ZNF268: variants seen among roughly 807,000 people sequenced by gnomAD.
The protein encoded by ZNF268 is zinc finger protein 3.
In ZNF268, 20 loss-of-function variants were observed where a neutral mutation model predicts 29.3. The ratio of observed to expected loss-of-function variants is 0.68; its 90% CI spans 0.48 to 0.99. The LOEUF is 0.99. Among genes scored for constraint, ZNF268 ranks in the 50% least tolerant of loss-of-function variants. The pLI is 0.00. For synonymous variants in ZNF268, 429 were observed against 376.9 expected, an observed-to-expected ratio of 1.14 and a Z score of -1.60; for missense variants, 1,240 against 1,121.6, an observed-to-expected ratio of 1.11 and a Z score of -1.51.
At chr12:133,201,792 T>TA in intron 5 of ZNF268, among the ~76,000 whole-genome samples, 1 of 152,258 alleles carries the variant, frequency 6.6e-6, no homozygotes, top group East Asian at 1.9e-4. Context: ...CATAGATCCC[T>TA]AATGACATGT....
rs758334515 is a variant in ZNF268, at chr12:133,203,256, G to A, written c.1570G>A (p.Gly524Arg). 40 of 1,538,248 alleles carry A rather than the reference G, an allele frequency of 2.6e-5. 1 individual carries two copies. The South Asian group carries it at 4.8e-4, about 18-fold the overall frequency. ...YLIIHTRTHTGEKLHECNNCG... is the reference protein window; with the variant it reads ...YLIIHTRTHTREKLHECNNCG... ...TATTATACATACAAGGACTCATACAGGAGAAAAACTCCATGAATGCAACAA... is the reference window on the plus strand; with the variant it reads ...TATTATACATACAAGGACTCATACAAGAGAAAAACTCCATGAATGCAACAA... The change falls in exon 6 of 6, where the codon GGA (glycine) becomes AGA (arginine). Residue 524 changes from glycine (G) to arginine (R), a missense_variant. Physicochemically the swap from Gly to Arg is moderately radical, Grantham distance 125 (BLOSUM62 -2). Transcript: ENST00000536435.
At chr12:133,188,968 C>T (rs953290236) in intron 3 of ZNF268, among the ~76,000 whole-genome samples, 12 of 151,890 alleles carry the variant, frequency 7.9e-5, no homozygotes, top group African/African-American at 2.9e-4. Context: ...TTTTCTTATC[C>T]TAAGCTCATA....
At chr12:133,198,386 T>A (rs1448460331) in intron 5 of ZNF268, among the ~76,000 whole-genome samples, 1 of 150,866 alleles carries the variant, frequency 6.6e-6, no homozygotes, top group Non-Finnish European at 1.5e-5. Flanking sequence ...TCTGTTCCAT[T>A]GATCTATATC....
At position 133,203,155 on chromosome 12, in the gene ZNF268, A is replaced by C; in HGVS notation, c.1469A>C (p.His490Pro). Residue 490 changes from histidine (H) to proline (P), a missense_variant, in exon 6 of 6, where the codon CAT (histidine) becomes CCT (proline). Around this residue, in one of 3 missense-constraint regions of ZNF268, gnomAD observed 1,177 missense variants for 1,039.6 expected, o/e 1.13. Coordinates refer to ENST00000536435, the MANE Select transcript of ZNF268 (RefSeq NM_003415.3). ...GFSLKSQLIV[H>P]QRSHTGMKPY... The stretch of plus-strand genomic sequence containing the variant: ...AGTTTGAAATCACAGCTCATTGTAC[A>C]TCAGAGAAGTCACACAGGAATGAAA... The C allele has an allele frequency of 2.0e-6, 3 of 1,537,742 alleles. No individual in the cohort carries two copies. The highest frequency in any genetic ancestry group is 1.7e-6 in the Non-Finnish European group (2 of 1,146,830).
rs1277174439 is a variant in ZNF268, at chr12:133,203,911, A to C, written c.2225A>C (p.His742Pro). The C allele has an allele frequency of 6.3e-7, 1 of 1,586,238 alleles. No homozygotes were observed. Among genetic ancestry groups the C allele is most frequent in the Non-Finnish European group, 8.6e-7 (1 of 1,168,718 alleles). ...AGTTTCAATTCACAACTCATTGTGC[A>C]TCAGAGAATTCACACAGGAGAAAAT... Reference protein sequence around the residue: ...SFSFNSQLIVHQRIHTGENPY... With the variant: ...SFSFNSQLIVPQRIHTGENPY... The change falls in exon 6 of 6, where the codon CAT becomes CCT. Residue 742 changes from histidine to proline, a missense_variant. Coordinates refer to ENST00000536435, the MANE Select transcript of ZNF268 (RefSeq NM_003415.3).
intron 5 of ZNF268, among the ~76,000 whole-genome samples, chr12:133,197,209 C>T (rs1252073318): frequency 8.1e-6 from 1 of 123,012 alleles, no homozygotes; most frequent in Non-Finnish European, 1.6e-5. Context: ...CACAACAATC[C>T]CCAAAGTGTG....
rs150926162 is a variant in ZNF268 at position 133,187,874 on chromosome 12, C to T, written c.36C>T (p.Val12=). 5 of 1,589,650 alleles carry T rather than the reference C, an allele frequency of 3.1e-6. No homozygotes were observed. The South Asian group carries it at 5.7e-5, about 18-fold the overall frequency. Residue 12 remains valine (V), a splice_region_variant and synonymous_variant, in exon 3 of 6, where the codon GTC becomes GTT. Coordinates refer to ENST00000536435, the MANE Select transcript of ZNF268 (RefSeq NM_003415.3). ...ATRVRTASIW[V]PPLQERNSSW... ...TAAATTTGCTCTTGAGTCCACAGGT[C>T]CCACCTCTCCAAGAACGAAACAGTT...
At chr12:133,182,087 G>C (rs1165223142) in intron 2 of ZNF268, 57 bp downstream of exon 2, 35 of 1,522,346 alleles carry the variant, frequency 2.3e-5, no homozygotes, top group Non-Finnish European at 2.9e-5. Flanking sequence ...CAACGTGTGC[G>C]CACTCCATCT....
intron 5 of ZNF268, among the ~76,000 whole-genome samples, chr12:133,201,148 A>G (rs1956744701): frequency 6.6e-6 from 1 of 152,016 alleles, no homozygotes; most frequent in Non-Finnish European, 1.5e-5. Flanking sequence ...TTTTGTTACC[A>G]TTAATGTTTT....
chr12:133,202,224 G>A lies in ZNF268; in HGVS notation c.538G>A (p.Glu180Lys). The A allele has an allele frequency of 6.2e-7, 1 of 1,610,746 alleles. No individual in the cohort carries two copies. Among genetic ancestry groups the A allele is most frequent in the South Asian group, 1.1e-5 (1 of 90,366 alleles). The change falls in exon 6 of 6, where the codon GAA becomes AAA. Residue 180 changes from glutamate (E) to lysine (K), a missense_variant. Glu to Lys is a moderately conservative substitution (Grantham distance 56, BLOSUM62 1). Transcript: ENST00000536435. ...DKLGSTAKSF[E>K]CTTFGKLCLL... ...GCTGGGAAGTACGGCAAAAAGCTTT[G>A]AATGCACTACATTTGGAAAACTATG...
At chr12:133,197,177 TCCCTCCC>T (rs1424353367) in intron 5 of ZNF268, among the ~76,000 whole-genome samples, 2 of 113,622 alleles carry the variant, frequency 1.8e-5, no homozygotes, top group Non-Finnish European at 1.8e-5. Flanking sequence ...CCCAATGCTA[TCCCTCCC>T]CCCTCCCCCC....
intron 3 of ZNF268, among the ~76,000 whole-genome samples, chr12:133,189,153 T>G (rs1203880593): frequency 6.6e-6 from 1 of 152,086 alleles, no homozygotes; most frequent in East Asian, 1.9e-4. Context: ...TATTTTAGAT[T>G]TATATGTAAG....
In ZNF268 at chr12:133,202,878, G is replaced by C; in HGVS notation, c.1192G>C (p.Gly398Arg). 6.4e-7 allele frequency: 1 copy of C among 1,560,290 alleles called. No homozygotes were observed. The highest frequency in any genetic ancestry group is 8.6e-7 in the Non-Finnish European group (1 of 1,156,506). Reference protein sequence around the residue: ...YVCNECGKAFGLKSQLIIHER... With the variant: ...YVCNECGKAFRLKSQLIIHER... ...GTGTAATGAATGTGGGAAAGCTTTTGGTTTAAAATCACAGCTCATTATACA... is the reference window on the plus strand; with the variant it reads ...GTGTAATGAATGTGGGAAAGCTTTTCGTTTAAAATCACAGCTCATTATACA... Residue 398 changes from glycine (G) to arginine (R), a missense_variant, in exon 6 of 6, where the codon GGT becomes CGT. By Grantham distance (125) the Gly-to-Arg change is moderately radical. Coordinates refer to ENST00000536435, the MANE Select transcript of ZNF268 (RefSeq NM_003415.3).
chr12:133,202,960 T>G lies in ZNF268; in HGVS notation c.1274T>G (p.Phe425Cys). The change falls in exon 6 of 6, where the codon TTT (phenylalanine) becomes TGT (cysteine). Residue 425 changes from phenylalanine to cysteine, a missense_variant. By Grantham distance (205) the Phe-to-Cys change is radical. Around this residue, in one of 3 missense-constraint regions of ZNF268, gnomAD observed 1,177 missense variants for 1,039.6 expected, o/e 1.13. Transcript: ENST00000536435. Reference sequence around the variant, plus strand: ...GAATGCAATGAATGTCAGAAAGCCTTTAATACAAAGTCAAACCTTATGGTA... The same window carrying G: ...GAATGCAATGAATGTCAGAAAGCCTGTAATACAAAGTCAAACCTTATGGTA... ...PYECNECQKAFNTKSNLMVHQ... is the reference protein window; with the variant it reads ...PYECNECQKACNTKSNLMVHQ... The G allele has an allele frequency of 6.5e-7, 1 of 1,546,804 alleles. No individual in the cohort carries two copies.
chr12:133,183,874 A>G (rs1444931028), intron 2 of ZNF268, among the ~76,000 whole-genome samples: 1 of 152,232 alleles, frequency 6.6e-6, no homozygotes, highest in Non-Finnish European at 1.5e-5. Context: ...AAGACAAAAT[A>G]GAGACATGTA....
intron 2 of ZNF268, among the ~76,000 whole-genome samples, chr12:133,186,691 C>G (rs1956325677): frequency 6.6e-6 from 1 of 152,134 alleles, no homozygotes; most frequent in Non-Finnish European, 1.5e-5. Context: ...AGGGAATAAT[C>G]TTAATGTCCA....
rs929096378 is a variant in ZNF268, at chr12:133,212,731, TTCTC to T, written c.*8206_*8209del. The T allele has an allele frequency of 2.0e-5, 3 of 152,030 alleles. No homozygotes were observed. The highest frequency in any genetic ancestry group is 1.9e-4 in the East Asian group (1 of 5,196). The allele number at this position is 152,030 out of a possible 1,614,324, so 9.4% of individuals were successfully genotyped here. ...TACTTGCCAATATTAATTAGTTTGT[TTCTC>T]TCTCATTTCATAGGCATGATCATAA... On this transcript the variant is annotated 3_prime_UTR_variant, in exon 6 of 6. Coordinates refer to ENST00000536435, the MANE Select transcript of ZNF268 (RefSeq NM_003415.3).
At chr12:133,201,578 T>C (rs1200777291) in intron 5 of ZNF268, among the ~76,000 whole-genome samples, 1 of 152,080 alleles carries the variant, frequency 6.6e-6, no homozygotes, top group African/African-American at 2.4e-5. Flanking sequence ...TTGATTTCTC[T>C]GGATGGTTTT....
intron 5 of ZNF268, among the ~76,000 whole-genome samples, chr12:133,194,878 C>T (rs1390993775): frequency 6.6e-6 from 1 of 152,234 alleles, no homozygotes; most frequent in Non-Finnish European, 1.5e-5. Flanking sequence ...AGCCATCCAT[C>T]TTCAGATATT....
Sources: allele counts gnomAD v4.1 joint callset (sites outside exome capture counted in the v4.1 genomes callset), GRCh38; gene constraint gnomAD v4.1.1; regional missense constraint gnomAD v4.1.1; transcripts MANE v1.5; gene names NCBI Gene and HGNC (gene_info 2026-07-23, HGNC 2026-07-21).